IL18RAP: variants seen among roughly 807,000 people sequenced by gnomAD.
IL18RAP encodes interleukin 18 receptor accessory protein, also known as interleukin-18 receptor accessory protein.
IL18RAP carries 37 observed loss-of-function variants against 58.1 expected under a neutral mutation model. The ratio of observed to expected loss-of-function variants is 0.64; its 90% CI spans 0.49 to 0.84. The LOEUF is 0.84. Ranked by LOEUF, IL18RAP falls within the 40% of genes least tolerant of loss-of-function variation. IL18RAP has a pLI of 0.00. For missense variants in IL18RAP, 667 were observed against 704.8 expected, an observed-to-expected ratio of 0.95 and a Z score of 0.61; for synonymous variants, 268 against 257.5, an observed-to-expected ratio of 1.04 and a Z score of -0.39.
Position 102,452,037 on chromosome 2 carries a change from G to T in IL18RAP, c.1656G>T (p.Trp552Cys). ...LKSVPPNSRFWAKMRYHMPVK... is the reference protein window; with the variant it reads ...LKSVPPNSRFCAKMRYHMPVK... ...CAGTTCCTCCCAATTCTAGGTTCTG[G>T]GCCAAAATGCGCTACCACATGCCTG... The change falls in exon 10 of 10, where the codon TGG becomes TGT. Residue 552 changes from tryptophan to cysteine, a missense_variant. By Grantham distance (215) the Trp-to-Cys change is radical. Transcript: ENST00000687160. 6.2e-7 allele frequency: 1 copy of T among 1,614,068 alleles called. No individual in the cohort carries two copies. The highest frequency in any genetic ancestry group is 8.5e-7 in the Non-Finnish European group (1 of 1,180,028).
chr2:102,441,473 C>T (rs1683099571), intron 5 of IL18RAP, 96 bp downstream of exon 5: 2 of 948,146 alleles, frequency 2.1e-6, no homozygotes, highest in African/African-American at 3.3e-5. Context: ...TCCAGTCAAA[C>T]AGAATTGGGT....
At chr2:102,447,621 A>G (rs1432126515) in intron 8 of IL18RAP, among the ~76,000 whole-genome samples, 1 of 152,124 alleles carries the variant, frequency 6.6e-6, no homozygotes, top group African/African-American at 2.4e-5. Context: ...CTCATCTATA[A>G]AACAGGATTG....
At chr2:102,439,524 A>C (rs1230553691) in intron 4 of IL18RAP, 2 of 152,404 alleles carry the variant, frequency 1.3e-5, no homozygotes, top group Admixed American at 6.5e-5. Flanking sequence ...GTGGAGCAGC[A>C]AGCTTGACTC....
At chr2:102,435,467 G>T (rs768831836) in intron 3 of IL18RAP, 4 of 152,196 alleles carry the variant, frequency 2.6e-5, no homozygotes, top group African/African-American at 9.7e-5. Flanking sequence ...ATTCAATTAG[G>T]AGCAGGAAAG....
intron 4 of IL18RAP, among the ~76,000 whole-genome samples, chr2:102,437,578 A>G (rs1682835942): frequency 6.6e-6 from 1 of 152,230 alleles, no homozygotes; most frequent in African/African-American, 2.4e-5. Flanking sequence ...TGGGTTGTCC[A>G]TGAATATGTC....
chr2:102,433,572 T>A (rs1682539671), intron 3 of IL18RAP, among the ~76,000 whole-genome samples: 1 of 151,238 alleles, frequency 6.6e-6, no homozygotes, highest in African/African-American at 2.4e-5. Flanking sequence ...CTTTGTCGCC[T>A]AGGCTAGAGC....
upstream of IL18RAP, among the ~76,000 whole-genome samples, chr2:102,421,417 G>T (rs777972136): frequency 1.6e-4 from 25 of 152,300 alleles, no homozygotes; most frequent in Non-Finnish European, 3.2e-4. Flanking sequence ...GGTGGTGGGA[G>T]CCGGTGACGT....
chr2:102,437,672 C>T (rs10208920), intron 4 of IL18RAP, among the ~76,000 whole-genome samples: 2,583 of 152,214 alleles, frequency 0.017, 80 homozygotes, highest in African/African-American at 0.058. Context: ...TACCTATCAC[C>T]AGTTTTAACT....
intron 6 of IL18RAP, 37 bp downstream of exon 6, chr2:102,443,360 T>G: frequency 1.2e-6 from 2 of 1,601,904 alleles, no homozygotes; most frequent in South Asian, 2.2e-5. Context: ...TCTCTGCAAT[T>G]CAGAAGAGAT....
At chr2:102,449,127 G>C (rs182141514) in intron 8 of IL18RAP, among the ~76,000 whole-genome samples, 1 of 152,064 alleles carries the variant, frequency 6.6e-6, no homozygotes, top group African/African-American at 2.4e-5. Context: ...ATGTAGCCAG[G>C]CTTGGTGGCA....
chr2:102,429,492 T>C (rs1000552898), intron 3 of IL18RAP, among the ~76,000 whole-genome samples: 2 of 152,004 alleles, frequency 1.3e-5, no homozygotes, highest in Non-Finnish European at 2.9e-5. Flanking sequence ...TTGTTAATTT[T>C]GTTTTTAGTT....
At chr2:102,437,081 C>G (rs1206302770) in intron 3 of IL18RAP, 131 bp from the exon 4 acceptor site, 1 of 759,634 alleles carries the variant, frequency 1.3e-6, no homozygotes, top group East Asian at 2.7e-5. Context: ...GTCTTCATAG[C>G]TTGTGAGATA....
chr2:102,449,319 A>G (rs767142363), intron 8 of IL18RAP, among the ~76,000 whole-genome samples: 2 of 152,228 alleles, frequency 1.3e-5, no homozygotes, highest in Non-Finnish European at 2.9e-5. Context: ...TAAACTTACT[A>G]TAGAGAATAC....
chr2:102,423,352 G>A lies in IL18RAP; in HGVS notation c.70+5G>A. 1 of 1,612,892 alleles carries A rather than the reference G, an allele frequency of 6.2e-7. No homozygotes were observed. Among genetic ancestry groups the A allele is most frequent in the Non-Finnish European group, 8.5e-7 (1 of 1,178,912 alleles). On this transcript the variant is annotated splice_donor_5th_base_variant and intron_variant, in intron 1 of 9. Transcript: ENST00000687160. ...TTAAAGGATTTAATATTTCAGGTAG[G>A]GGTTTTCACTTTTCATGTTAGCACT... is the stretch of plus-strand genomic sequence containing the variant.
At chr2:102,446,600 C>A (rs762320366) in intron 7 of IL18RAP, among the ~76,000 whole-genome samples, 11 of 152,088 alleles carry the variant, frequency 7.2e-5, no homozygotes, top group Non-Finnish European at 1.5e-4. Flanking sequence ...ATGGTATCCA[C>A]CATCCTGGCT....
At chr2:102,432,815 A>G (rs760882525) in intron 3 of IL18RAP, among the ~76,000 whole-genome samples, 1 of 152,156 alleles carries the variant, frequency 6.6e-6, no homozygotes, top group Non-Finnish European at 1.5e-5. Flanking sequence ...ATGACTGAAA[A>G]AGTCAGAATT....
intron 4 of IL18RAP, 121 bp downstream of exon 4, chr2:102,437,483 G>T: frequency 1.1e-6 from 1 of 905,364 alleles, no homozygotes; most frequent in Non-Finnish European, 1.5e-6. Context: ...TTGTAATCAT[G>T]TAAAACCTTT....
intron 3 of IL18RAP, among the ~76,000 whole-genome samples, chr2:102,436,564 T>G (rs1682753355): frequency 6.6e-6 from 1 of 151,948 alleles, no homozygotes; most frequent in Non-Finnish European, 1.5e-5. Flanking sequence ...AATCCCAGCT[T>G]CTACTAGTAG....
intron 3 of IL18RAP, among the ~76,000 whole-genome samples, chr2:102,431,478 T>C (rs1237637318): frequency 6.6e-6 from 1 of 152,254 alleles, no homozygotes; most frequent in Non-Finnish European, 1.5e-5. Context: ...ATTTAGGAAA[T>C]ATTCAGCTGA....
Sources: allele counts gnomAD v4.1 joint callset (sites outside exome capture counted in the v4.1 genomes callset), GRCh38; gene constraint gnomAD v4.1.1; transcripts MANE v1.5; gene names NCBI Gene and HGNC (gene_info 2026-07-23, HGNC 2026-07-21).